ACBD6: variants seen among roughly 807,000 people sequenced by gnomAD.
The protein encoded by ACBD6 is acyl-CoA binding domain containing 6.
Under a neutral mutation model 37.2 loss-of-function variants are expected in ACBD6, and 28 were observed. The ratio of observed to expected loss-of-function variants is 0.75; its 90% CI spans 0.56 to 1.03. ACBD6 has a LOEUF of 1.03. Among genes scored for constraint, ACBD6 ranks in the 50% least tolerant of loss-of-function variants. ACBD6 has a pLI of 0.00. For synonymous variants in ACBD6, 113 were observed against 126.8 expected (o/e 0.89, Z 0.73); for missense variants, 340 against 337.4 (o/e 1.01, Z -0.06).
chr1:180,281,111 T>C (rs143204320), intron 9 of ACBD6, among the ~76,000 whole-genome samples: 2 of 152,278 alleles, frequency 1.3e-5, no homozygotes, highest in African/African-American at 2.4e-5. Flanking sequence ...CTTTTTGGGA[T>C]TATAAAATGG....
At chr1:180,425,609 G>T (rs1648551479) in intron 4 of ACBD6, among the ~76,000 whole-genome samples, 3 of 152,136 alleles carry the variant, frequency 2.0e-5, no homozygotes, top group Non-Finnish European at 4.4e-5. Context: ...CAAATATGTA[G>T]AACACATACT....
intron 4 of ACBD6, among the ~76,000 whole-genome samples, chr1:180,421,145 G>A (rs1430170315): frequency 6.6e-6 from 1 of 152,110 alleles, no homozygotes; most frequent in Non-Finnish European, 1.5e-5. Context: ...CCATTAGCTA[G>A]CTGTTCCACC....
At position 180,502,440 on chromosome 1, in the gene ACBD6, C is replaced by T. The variant is rs943560843; in HGVS notation, c.-174G>A. 3 of 712,344 alleles carry T rather than the reference C, an allele frequency of 4.2e-6. No homozygotes were observed. The allele number at this position is 712,344 out of a possible 1,614,324, so 44.1% of individuals were successfully genotyped here. ...ACCCTGCTCCCTGCCCACTTCTACT[C>T]CCTGGGCGTGCAGAGCAGGCTCCTC... is the stretch of plus-strand genomic sequence containing the variant. On this transcript the variant is annotated 5_prime_UTR_variant, in exon 1 of 8. Transcript: ENST00000367595.
chr1:180,415,872 A>G (rs989224872), intron 4 of ACBD6, among the ~76,000 whole-genome samples: 1 of 152,184 alleles, frequency 6.6e-6, no homozygotes, highest in Non-Finnish European at 1.5e-5. Flanking sequence ...CACATCAAAT[A>G]TATCAACTAG....
rs1156567128 is a variant in ACBD6 at position 180,425,298 on chromosome 1, C to T, written c.467+4882G>A. Among the ~76,000 whole-genome samples, 4 of 152,314 alleles carry T rather than the reference C, an allele frequency of 2.6e-5. No homozygotes were observed. In the South Asian group the frequency reaches 6.2e-4, roughly 24 times the overall value. ...AATAAATCCATAACTCAAGTTCATT[C>T]TGAGCAGTCAGATTCTCCAGGGGGA... On this transcript the variant is annotated intron_variant, in intron 4 of 7. Transcript: ENST00000367595.
chr1:180,442,283 C>T (rs1424969184), intron 3 of ACBD6, among the ~76,000 whole-genome samples: 3 of 146,324 alleles, frequency 2.1e-5, no homozygotes, highest in Non-Finnish European at 4.4e-5. Context: ...TGACTCTCAA[C>T]TAGGGGCACT....
intron 4 of ACBD6, among the ~76,000 whole-genome samples, chr1:180,420,962 TTC>T (rs1648337437): frequency 6.6e-6 from 1 of 152,180 alleles, no homozygotes; most frequent in Non-Finnish European, 1.5e-5. Context: ...AATATGGCAT[TTC>T]TGTCTACATT....
At chr1:180,415,343 G>A (rs1395741362) in intron 4 of ACBD6, among the ~76,000 whole-genome samples, 1 of 151,724 alleles carries the variant, frequency 6.6e-6, no homozygotes, top group Non-Finnish European at 1.5e-5. Flanking sequence ...GTTGCAGTGA[G>A]CCGAGATCAT....
chr1:180,462,869 GCAAA>G (rs1169740594), intron 3 of ACBD6, among the ~76,000 whole-genome samples: 5 of 151,968 alleles, frequency 3.3e-5, no homozygotes, highest in African/African-American at 1.2e-4. Context: ...TGAAATCATA[GCAAA>G]CAGTCTCTCG....
chr1:180,291,847 A>G (rs1490791066), intron 7 of ACBD6, among the ~76,000 whole-genome samples: 5 of 152,126 alleles, frequency 3.3e-5, no homozygotes, highest in Admixed American at 3.3e-4. Context: ...CTTCCCAGTT[A>G]ATTTTTGAGT....
chr1:180,368,286 T>C (rs1199684455), intron 6 of ACBD6, among the ~76,000 whole-genome samples: 1 of 152,178 alleles, frequency 6.6e-6, no homozygotes, highest in Non-Finnish European at 1.5e-5. Context: ...AGACCTTTGT[T>C]AGATGCATAG....
rs181477494 is a variant in ACBD6, at chr1:180,434,804, C to T, written c.385-4542G>A. ...GCCAATGCCTCTAAGCCGAAGGTGG[C>T]TGTGCCACCCACGAATGCCAATCTT... On this transcript the variant is annotated intron_variant, in intron 3 of 7. Coordinates refer to ENST00000367595, the MANE Select transcript of ACBD6 (RefSeq NM_032360.4). 182 of 707,578 alleles carry T rather than the reference C, an allele frequency of 2.6e-4. 1 individual carries two copies. The East Asian group carries it at 4.8e-3, about 19-fold the overall frequency. 43.8% of individuals were successfully genotyped at this position (707,578 alleles called of 1,614,324 possible). A position where few individuals can be genotyped will look rare whatever the true frequency, so the allele number is the denominator to read the frequency against.
chr1:180,355,420 T>G (rs1291618433), intron 6 of ACBD6, among the ~76,000 whole-genome samples: 1 of 152,246 alleles, frequency 6.6e-6, no homozygotes, highest in Non-Finnish European at 1.5e-5. Context: ...GAAAACATCT[T>G]TAAGTGCATG....
intron 3 of ACBD6, among the ~76,000 whole-genome samples, chr1:180,453,869 C>T (rs1195652135): frequency 6.6e-6 from 1 of 152,092 alleles, no homozygotes; most frequent in East Asian, 1.9e-4. Context: ...GAACTACAAA[C>T]CACTGCTCAA....
At chr1:180,329,281 C>G (rs1651381324) in intron 6 of ACBD6, among the ~76,000 whole-genome samples, 1 of 152,228 alleles carries the variant, frequency 6.6e-6, no homozygotes, top group African/African-American at 2.4e-5. Flanking sequence ...TTTGGTCTTT[C>G]ACCAAATGGA....
At chr1:180,381,578 A>G (rs1450113795) in intron 6 of ACBD6, among the ~76,000 whole-genome samples, 1 of 152,206 alleles carries the variant, frequency 6.6e-6, no homozygotes, top group Non-Finnish European at 1.5e-5. Flanking sequence ...TGGAAACTGT[A>G]TAAATACATG....
chr1:180,451,487 A>G (rs1398161633), intron 3 of ACBD6, among the ~76,000 whole-genome samples: 1 of 152,244 alleles, frequency 6.6e-6, no homozygotes, highest in Non-Finnish European at 1.5e-5. Context: ...AATGTCCAAA[A>G]AAAGATGAAT....
At chr1:180,324,373 GTA>G (rs1225404452) in intron 6 of ACBD6, among the ~76,000 whole-genome samples, 3 of 150,836 alleles carry the variant, frequency 2.0e-5, no homozygotes, top group Non-Finnish European at 4.4e-5. Flanking sequence ...TTTTATTTTT[GTA>G]TATATGTTTT....
At chr1:180,466,895 C>T (rs1650368507) in intron 3 of ACBD6, among the ~76,000 whole-genome samples, 1 of 151,660 alleles carries the variant, frequency 6.6e-6, no homozygotes, top group Non-Finnish European at 1.5e-5. Context: ...AGAATAATGC[C>T]CCAGTTTAAG....
Sources: allele counts gnomAD v4.1 joint callset (sites outside exome capture counted in the v4.1 genomes callset), GRCh38; gene constraint gnomAD v4.1.1; transcripts MANE v1.5; gene names NCBI Gene and HGNC (gene_info 2026-07-23, HGNC 2026-07-21).